PTPRD: variants seen among roughly 807,000 people sequenced by gnomAD.
The protein encoded by PTPRD is protein tyrosine phosphatase receptor type D, also known as receptor-type tyrosine-protein phosphatase delta.
A neutral mutation model predicts 214.5 loss-of-function variants in PTPRD; 34 were observed. That is an observed-to-expected ratio of 0.16 (90% CI 0.12 to 0.21). The LOEUF (loss-of-function observed/expected upper bound fraction) is 0.21. Among genes scored for constraint, PTPRD ranks in the 10% least tolerant of loss-of-function variants. The pLI is 1.00. For synonymous variants in PTPRD, 1,128 were observed against 845.7 expected, an observed-to-expected ratio of 1.33 and a Z score of -5.79; for missense variants, 2,545 against 2,398.7, an observed-to-expected ratio of 1.06 and a Z score of -1.27.
intron 19 of PTPRD, among the ~76,000 whole-genome samples, chr9:8,523,192 T>C (rs1041556556): frequency 6.6e-6 from 1 of 152,116 alleles, no homozygotes; most frequent in Non-Finnish European, 1.5e-5. Flanking sequence ...CAGGCATCCT[T>C]ATAAGACAGA....
At chr9:9,496,217 C>A (rs953012674) in intron 8 of PTPRD, among the ~76,000 whole-genome samples, 6 of 152,088 alleles carry the variant, frequency 3.9e-5, no homozygotes, top group South Asian at 2.1e-4. Flanking sequence ...ACAATTTTGA[C>A]TTTAGGAGAA....
intron 14 of PTPRD, among the ~76,000 whole-genome samples, chr9:8,605,980 G>A (rs1311590179): frequency 2.0e-5 from 3 of 152,056 alleles, no homozygotes; most frequent in Non-Finnish European, 4.4e-5. Flanking sequence ...GGGGTGTCGA[G>A]GGGTGGGGAT....
intron 3 of PTPRD, among the ~76,000 whole-genome samples, chr9:10,188,598 CTG>C (rs2099348445): frequency 6.7e-6 from 1 of 149,224 alleles, no homozygotes; most frequent in Non-Finnish European, 1.5e-5. Context: ...ACAAATAAAA[CTG>C]TCATTCTCAA....
chr9:9,223,657 C>A (rs1279649509), intron 9 of PTPRD, among the ~76,000 whole-genome samples: 1 of 151,806 alleles, frequency 6.6e-6, no homozygotes, highest in East Asian at 1.9e-4. Flanking sequence ...TCCACTAGAG[C>A]AAATTGGTAT....
intron 5 of PTPRD, among the ~76,000 whole-genome samples, chr9:9,933,602 G>C (rs1308846732): frequency 6.6e-6 from 1 of 150,816 alleles, no homozygotes; most frequent in Non-Finnish European, 1.5e-5. Context: ...CCTACAAGGA[G>C]ACTTAGACTC....
intron 8 of PTPRD, among the ~76,000 whole-genome samples, chr9:9,570,118 A>G (rs2085909614): frequency 6.6e-6 from 1 of 151,470 alleles, no homozygotes; most frequent in Non-Finnish European, 1.5e-5. Flanking sequence ...AATTTCCAGA[A>G]AGTATTTGTG....
intron 14 of PTPRD, among the ~76,000 whole-genome samples, chr9:8,599,128 G>A (rs1171107477): frequency 2.0e-5 from 3 of 152,114 alleles, no homozygotes; most frequent in Non-Finnish European, 4.4e-5. Context: ...ATGGTTTTAT[G>A]AAGGGGAGTT....
At chr9:8,871,898 C>A (rs1043945689) in intron 11 of PTPRD, among the ~76,000 whole-genome samples, 5 of 152,156 alleles carry the variant, frequency 3.3e-5, no homozygotes, top group African/African-American at 1.2e-4. Context: ...AGATATTTGG[C>A]TGTAGCCAGT....
chr9:10,495,546 A>G (rs184465495), intron 2 of PTPRD, among the ~76,000 whole-genome samples: 1 of 151,956 alleles, frequency 6.6e-6, no homozygotes, highest in Admixed American at 6.6e-5. Context: ...AACAGCTTTT[A>G]CTATGTACTA....
chr9:10,408,529 T>C (rs1028238446), intron 2 of PTPRD, among the ~76,000 whole-genome samples: 3 of 151,700 alleles, frequency 2.0e-5, no homozygotes, highest in African/African-American at 7.3e-5. Flanking sequence ...GCTGGTATTT[T>C]TTAGGCTGAT....
intron 11 of PTPRD, among the ~76,000 whole-genome samples, chr9:8,758,541 T>C (rs2094178683): frequency 1.3e-5 from 2 of 152,256 alleles, no homozygotes; most frequent in South Asian, 2.1e-4. Context: ...AATGCTAGAA[T>C]GAAAGGCTCA....
chr9:9,826,377 C>G (rs553332226), intron 5 of PTPRD, among the ~76,000 whole-genome samples: 8 of 151,764 alleles, frequency 5.3e-5, no homozygotes, highest in Non-Finnish European at 1.0e-4. Context: ...TTTACTTTTA[C>G]TGGTTGCCTT....
chr9:10,384,842 T>G (rs1439049410), intron 2 of PTPRD, among the ~76,000 whole-genome samples: 1 of 151,760 alleles, frequency 6.6e-6, no homozygotes, highest in African/African-American at 2.4e-5. Context: ...GATAATATGA[T>G]TTTTAACGAT....
rs2093170859 is a variant in PTPRD at position 9,595,181 on chromosome 9, T to G, written c.-286-20400A>C. ...ACCGCTATGGAAAACAGTGTGGAGATTCCTTAAATAACTAAAAGTAGAACT... is the reference window on the plus strand; with the variant it reads ...ACCGCTATGGAAAACAGTGTGGAGAGTCCTTAAATAACTAAAAGTAGAACT... On this transcript the variant is annotated intron_variant, in intron 7 of 45. Coordinates refer to ENST00000381196, the MANE Select transcript of PTPRD (RefSeq NM_002839.4). 2.0e-5 allele frequency among the ~76,000 whole-genome samples: 3 copies of G among 151,060 alleles called. No individual in the cohort carries two copies. The South Asian group carries it at 6.2e-4, about 31-fold the overall frequency.
intron 8 of PTPRD, among the ~76,000 whole-genome samples, chr9:9,428,646 G>T (rs1257514326): frequency 1.3e-5 from 2 of 152,116 alleles, no homozygotes; most frequent in Admixed American, 6.6e-5. Context: ...TGACCACATA[G>T]TTGGAAGTAA....
intron 33 of PTPRD, among the ~76,000 whole-genome samples, chr9:8,450,138 T>C (rs186377933): frequency 6.6e-6 from 1 of 152,272 alleles, no homozygotes; most frequent in East Asian, 1.9e-4. Context: ...CATGGACCCT[T>C]ATTGAGCAAT....
intron 3 of PTPRD, among the ~76,000 whole-genome samples, chr9:10,059,767 T>G (rs2097723527): frequency 6.9e-6 from 1 of 145,026 alleles, no homozygotes; most frequent in African/African-American, 2.7e-5. Flanking sequence ...AGAACAATAA[T>G]AAAATATTTA....
At chr9:8,344,368 T>C (rs950254678) in intron 39 of PTPRD, among the ~76,000 whole-genome samples, 3 of 152,034 alleles carry the variant, frequency 2.0e-5, no homozygotes, top group Non-Finnish European at 2.9e-5. Context: ...GGTTCTATAT[T>C]CTGGCAGAAA....
intron 39 of PTPRD, among the ~76,000 whole-genome samples, chr9:8,347,213 C>T (rs2074092818): frequency 6.6e-6 from 1 of 151,864 alleles, no homozygotes; most frequent in Admixed American, 6.6e-5. Context: ...CTTTTTTTCT[C>T]CCCAGAGAGC....
Sources: allele counts gnomAD v4.1 joint callset (sites outside exome capture counted in the v4.1 genomes callset), GRCh38; gene constraint gnomAD v4.1.1; transcripts MANE v1.5; gene names NCBI Gene and HGNC (gene_info 2026-07-23, HGNC 2026-07-21).